Variants in STK11 observed in about 807,000 individuals in gnomAD.
The protein encoded by STK11 is serine/threonine-protein kinase STK11.
In STK11, 8 loss-of-function variants were observed where a neutral mutation model predicts 47.3. The observed-to-expected ratio is 0.17, with a 90% CI of 0.10 to 0.31. STK11 has a LOEUF of 0.31. STK11 is among the 10% of genes least tolerant of loss of function. STK11 has a pLI of 1.00. For missense variants in STK11, 475 were observed against 605.0 expected (o/e 0.79, Z 2.25); for synonymous variants, 330 against 255.8 (o/e 1.29, Z -2.77).
intron 1 of STK11, among the ~76,000 whole-genome samples, chr19:1,208,415 C>T (rs2080684523): frequency 6.7e-6 from 1 of 149,352 alleles, no homozygotes; most frequent in East Asian, 2.0e-4. Flanking sequence ...TCATGCCATT[C>T]TCCTGCCTCA....
At chr19:1,223,650 C>T (rs1178716785) in intron 8 of STK11, 2 of 1,063,870 alleles carry the variant, frequency 1.9e-6, no homozygotes, top group Non-Finnish European at 2.3e-6. Context: ...GGCGAGGAGG[C>T]GTCTGAGGCA....
chr19:1,221,544 T>C (rs1319389900), intron 6 of STK11: 2 of 802,058 alleles, frequency 2.5e-6, no homozygotes, highest in Admixed American at 5.9e-5. Flanking sequence ...CTGTTCACCC[T>C]CCGAACTCCC....
chr19:1,218,753 TC>T (rs1186279768), intron 2 of STK11, among the ~76,000 whole-genome samples: 1 of 152,172 alleles, frequency 6.6e-6, no homozygotes, highest in Non-Finnish European at 1.5e-5. Flanking sequence ...CAGAGTCTCC[TC>T]CCAGGCTAAC....
intron 1 of STK11, among the ~76,000 whole-genome samples, chr19:1,214,064 G>A (rs576003951): frequency 6.6e-6 from 1 of 152,370 alleles, no homozygotes; most frequent in South Asian, 2.1e-4. Flanking sequence ...GGCCCCTAAC[G>A]TGGCACCTCG....
chr19:1,224,449 C>T (rs967603922), intron 8 of STK11: 1 of 985,424 alleles, frequency 1.0e-6, no homozygotes, highest in Non-Finnish European at 1.2e-6. Flanking sequence ...GACCCCAGGC[C>T]CAGGGTCTTC....
intron 8 of STK11, chr19:1,223,523 A>G: frequency 1.0e-6 from 1 of 967,700 alleles, no homozygotes; most frequent in Non-Finnish European, 1.3e-6. Context: ...GGTGAGAGTC[A>G]GGGTGCAGGG....
intron 1 of STK11, among the ~76,000 whole-genome samples, chr19:1,209,771 C>T (rs890228667): frequency 1.3e-5 from 2 of 151,350 alleles, no homozygotes; most frequent in East Asian, 1.9e-4. Flanking sequence ...AGCACCTGAA[C>T]GGTAGGGCAG....
intron 3 of STK11, 139 bp downstream of exon 3, chr19:1,219,552 G>GTTT: frequency 3.6e-6 from 3 of 842,358 alleles, no homozygotes; most frequent in Admixed American, 3.1e-5. Flanking sequence ...TTGTTTTTTT[G>GTTT]TGTTTTTTTT....
chr19:1,208,144 C>G (rs1228509753), intron 1 of STK11, among the ~76,000 whole-genome samples: 1 of 152,086 alleles, frequency 6.6e-6, no homozygotes, highest in East Asian at 1.9e-4. Flanking sequence ...CCTCGAGGGA[C>G]TGGCAAGGAC....
chr19:1,221,318 C>T lies in STK11; in HGVS notation c.840C>T (p.Pro280=), dbSNP rs1471868090. Residue 280 remains proline, a synonymous_variant, in exon 6 of 10, where the codon CCC becomes CCT. Coordinates refer to ENST00000326873, the MANE Select transcript of STK11 (RefSeq NM_000455.5). ...ACGCCATCCCGGGCGACTGTGGCCC[C>T]CCGCTCTCTGACCTGCTGAAAGGTG... ...GSYAIPGDCG[P]PLSDLLKGML... is the part of the protein sequence containing the mutation. The T allele has an allele frequency of 6.2e-7, 1 of 1,609,882 alleles. No homozygotes were observed. The highest frequency in any genetic ancestry group is 8.5e-7 in the Non-Finnish European group (1 of 1,178,482).
At chr19:1,226,174 T>TG (rs2080819061) in intron 8 of STK11, 3 of 1,302,126 alleles carry the variant, frequency 2.3e-6, no homozygotes, top group Non-Finnish European at 2.9e-6. Flanking sequence ...CTGCAGTCAG[T>TG]ACCTGGGTGG....
At chr19:1,208,634 T>TTTTTA (rs2080686780) in intron 1 of STK11, among the ~76,000 whole-genome samples, 3 of 107,608 alleles carry the variant, frequency 2.8e-5, no homozygotes, top group African/African-American at 9.8e-5. Flanking sequence ...TTTTTTTTTT[T>TTTTTA]GAGACGGAGT....
intron 1 of STK11, among the ~76,000 whole-genome samples, chr19:1,212,343 G>T (rs1005365105): frequency 1.4e-5 from 2 of 145,078 alleles, no homozygotes; most frequent in Non-Finnish European, 3.0e-5. Flanking sequence ...GAGTGCAGTG[G>T]CGCAATCATA....
At chr19:1,217,649 CCTT>C (rs1263638011) in intron 1 of STK11, among the ~76,000 whole-genome samples, 10 of 152,276 alleles carry the variant, frequency 6.6e-5, no homozygotes, top group East Asian at 1.9e-4. Context: ...TGTGGCGTCT[CCTT>C]CTTCGCCTGC....
intron 9 of STK11, chr19:1,226,915 C>CA (rs1295043276): frequency 2.0e-6 from 1 of 499,070 alleles, no homozygotes; most frequent in African/African-American, 2.1e-5. Flanking sequence ...GTGCCGTCCT[C>CA]ACAGCCACCT....
intron 1 of STK11, among the ~76,000 whole-genome samples, chr19:1,208,866 C>T (rs745869270): frequency 6.6e-6 from 1 of 151,180 alleles, no homozygotes; most frequent in African/African-American, 2.4e-5. Flanking sequence ...CGTGATCCAC[C>T]TGCCTCAGCC....
chr19:1,209,395 C>G (rs530713159), intron 1 of STK11, among the ~76,000 whole-genome samples: 5 of 151,978 alleles, frequency 3.3e-5, no homozygotes, highest in Non-Finnish European at 7.4e-5. Flanking sequence ...CCAGCCTGGC[C>G]AACATGGTGA....
At chr19:1,220,163 C>T (rs1358263920) in intron 3 of STK11, 3 of 573,522 alleles carry the variant, frequency 5.2e-6, no homozygotes, top group Middle Eastern at 4.7e-4. Context: ...GGGGCCCTGC[C>T]AGACGTGGCT....
At chr19:1,207,335 T>A in intron 1 of STK11, 132 bp downstream of exon 1, 1 of 1,264,414 alleles carries the variant, frequency 7.9e-7, no homozygotes, top group Non-Finnish European at 1.1e-6. Context: ...GTCTGGCGCC[T>A]GTGTCCTCCG....
Sources: gnomAD v4.1 joint callset for allele counts (sites outside exome capture counted in the v4.1 genomes callset) on GRCh38, gnomAD v4.1.1 for gene constraint, MANE v1.5 for transcripts, NCBI Gene and HGNC (gene_info 2026-07-23, HGNC 2026-07-21) for gene names.